NRXN1: variants seen among roughly 807,000 people sequenced by gnomAD.
The protein encoded by NRXN1 is neurexin 1.
A neutral mutation model predicts 150.9 loss-of-function variants in NRXN1; 39 were observed. The ratio of observed to expected loss-of-function variants is 0.26; its 90% CI spans 0.20 to 0.34. The LOEUF is 0.34. NRXN1 is among the 10% of genes least tolerant of loss of function. NRXN1 has a pLI of 1.00. For missense variants in NRXN1, 1,815 were observed against 1,949.9 expected, an observed-to-expected ratio of 0.93 and a Z score of 1.30; for synonymous variants, 924 against 757.0, an observed-to-expected ratio of 1.22 and a Z score of -3.62.
At chr2:50,028,304 G>A (rs76732693) in intron 21 of NRXN1, among the ~76,000 whole-genome samples, 18,542 of 152,146 alleles carry the variant, frequency 0.12, 1,226 homozygotes, top group Middle Eastern at 0.24. Flanking sequence ...TTTAAAGACA[G>A]GTTTTTACCC....
chr2:50,081,414 T>TA (rs139113588), intron 19 of NRXN1, among the ~76,000 whole-genome samples: 8,398 of 152,070 alleles, frequency 0.055, 767 homozygotes, highest in African/African-American at 0.19. Context: ...CCATCCCTAC[T>TA]AAAATACAAA....
chr2:50,921,919 T>C, intron 4 of NRXN1, 39 bp from the exon 5 acceptor site: 1 of 1,331,082 alleles, frequency 7.5e-7, no homozygotes, highest in Non-Finnish European at 1.0e-6. Context: ...AGAAAGGGTT[T>C]CCAGACAAAG....
At chr2:50,022,209 C>G (rs1384374128) in intron 21 of NRXN1, among the ~76,000 whole-genome samples, 1 of 152,166 alleles carries the variant, frequency 6.6e-6, no homozygotes, top group Non-Finnish European at 1.5e-5. Flanking sequence ...ATCTCAATCT[C>G]CTGACCTCAT....
intron 2 of NRXN1, among the ~76,000 whole-genome samples, chr2:50,952,167 C>T (rs1199727864): frequency 6.6e-6 from 1 of 150,896 alleles, no homozygotes; most frequent in Non-Finnish European, 1.5e-5. Flanking sequence ...GGGGTTTCAC[C>T]GTTTTAGCCG....
intron 18 of NRXN1, among the ~76,000 whole-genome samples, chr2:50,143,199 G>A (rs971187412): frequency 1.3e-5 from 2 of 151,368 alleles, no homozygotes; most frequent in African/African-American, 2.4e-5. Flanking sequence ...AAAAGAGAAT[G>A]AGGAAATAAA....
At chr2:50,588,603 G>A (rs1357937147) in intron 8 of NRXN1, 1 of 151,994 alleles carries the variant, frequency 6.6e-6, no homozygotes. Context: ...CTATTTATTG[G>A]CTTTTTGGAG....
chr2:50,472,821 GTGTGTGTGTA>G (rs753831278), intron 15 of NRXN1, among the ~76,000 whole-genome samples: 3,808 of 134,590 alleles, frequency 0.028, 54 homozygotes, highest in Middle Eastern at 0.055. Flanking sequence ...GTGTGTGTGT[GTGTGTGTGTA>G]TATATATATA....
intron 5 of NRXN1, among the ~76,000 whole-genome samples, chr2:50,908,395 C>A (rs1045454605): frequency 3.9e-5 from 5 of 128,738 alleles, no homozygotes; most frequent in Non-Finnish European, 9.2e-5. Context: ...AACCACACCC[C>A]TACCTTTGAT....
intron 19 of NRXN1, among the ~76,000 whole-genome samples, chr2:50,087,697 T>G (rs1018160594): frequency 1.3e-5 from 2 of 152,194 alleles, no homozygotes; most frequent in African/African-American, 4.8e-5. Flanking sequence ...CTAGGTCTTC[T>G]ATTCAGAAAA....
chr2:50,520,911 T>A (rs747353815), intron 12 of NRXN1, among the ~76,000 whole-genome samples: 10 of 152,096 alleles, frequency 6.6e-5, no homozygotes, highest in African/African-American at 9.6e-5. Context: ...AACTTATAAT[T>A]CATGAAAAAT....
chr2:50,828,249 G>C (rs1167989390), intron 5 of NRXN1, among the ~76,000 whole-genome samples: 14 of 149,262 alleles, frequency 9.4e-5, no homozygotes, highest in Middle Eastern at 3.6e-3. Context: ...CCTCCCGGAC[G>C]GGGCGGCTGG....
chr2:50,210,395 T>G, intron 18 of NRXN1, among the ~76,000 whole-genome samples: 1 of 151,896 alleles, frequency 6.6e-6, no homozygotes, highest in East Asian at 1.9e-4. Flanking sequence ...TTCTAAAAGT[T>G]AAATCTCATT....
In NRXN1 at chr2:50,652,305, AGT is replaced by A. The variant is rs1275281200; in HGVS notation, c.833-28692_833-28691del. On this transcript the variant is annotated intron_variant, in intron 5 of 22. Coordinates refer to ENST00000401669, the MANE Select transcript of NRXN1 (RefSeq NM_001330078.2). ...ATTCAATGAGTTTTGGTAAATTTCC[AGT>A]GTTATGCAACCATCATTGCAATCTA... 6.6e-5 allele frequency among the ~76,000 whole-genome samples: 10 copies of A among 152,052 alleles called. 1 individual carries two copies. Among genetic ancestry groups the A allele is most frequent in the Middle Eastern group, 6.3e-3 (2 of 316 alleles).
At chr2:50,128,507 T>A (rs908762133) in intron 18 of NRXN1, among the ~76,000 whole-genome samples, 1 of 152,260 alleles carries the variant, frequency 6.6e-6, no homozygotes, top group East Asian at 1.9e-4. Flanking sequence ...TACAGAAATA[T>A]ATACACCAAT....
At chr2:49,936,005 C>G (rs910006346) in intron 22 of NRXN1, among the ~76,000 whole-genome samples, 1 of 152,152 alleles carries the variant, frequency 6.6e-6, no homozygotes, top group African/African-American at 2.4e-5. Context: ...ATTTTAGCAT[C>G]TTCCAATAAA....
chr2:50,617,412 G>A (rs904907299), intron 8 of NRXN1, among the ~76,000 whole-genome samples: 2 of 150,626 alleles, frequency 1.3e-5, no homozygotes, highest in African/African-American at 2.4e-5. Flanking sequence ...CTCCCCTGGG[G>A]AACAGAGCAA....
chr2:50,529,150 T>C (rs2093034500), intron 11 of NRXN1, among the ~76,000 whole-genome samples: 1 of 152,186 alleles, frequency 6.6e-6, no homozygotes, highest in Admixed American at 6.6e-5. Flanking sequence ...TATCTTACCC[T>C]AAGGGTTTTT....
intron 2 of NRXN1, among the ~76,000 whole-genome samples, chr2:51,015,643 G>C (rs1668551062): frequency 2.0e-5 from 3 of 151,652 alleles, no homozygotes; most frequent in African/African-American, 7.3e-5. Flanking sequence ...AATAACAATG[G>C]ATAAACTTCA....
chr2:50,078,320 A>G (rs1218799000), intron 19 of NRXN1, among the ~76,000 whole-genome samples: 2 of 152,044 alleles, frequency 1.3e-5, no homozygotes, highest in Non-Finnish European at 2.9e-5. Flanking sequence ...GAAATGTTAT[A>G]TAGAATTGAG....
Sources: allele counts gnomAD v4.1 joint callset (sites outside exome capture counted in the v4.1 genomes callset), GRCh38; gene constraint gnomAD v4.1.1; transcripts MANE v1.5; gene names NCBI Gene and HGNC (gene_info 2026-07-23, HGNC 2026-07-21).